The following MEI4 variants were observed in gnomAD, a reference collection of about 807,000 sequenced individuals.
The protein encoded by MEI4 is meiotic double-stranded break formation protein 4.
Under a neutral mutation model 31.4 loss-of-function variants are expected in MEI4, and 27 were observed. That is an observed-to-expected ratio of 0.86 (90% CI 0.63 to 1.19). MEI4 has a LOEUF of 1.19. Ranked by LOEUF, MEI4 falls within the 50% of genes most tolerant of loss-of-function variation. The pLI, the probability that MEI4 is intolerant of heterozygous loss-of-function variation, is 0.00. For synonymous variants in MEI4, 122 were observed against 145.4 expected (o/e 0.84, Z 1.16); for missense variants, 329 against 398.9 (o/e 0.82, Z 1.49).
At chr6:77,675,529 T>C (rs1379667240) in intron 1 of MEI4, among the ~76,000 whole-genome samples, 1 of 143,796 alleles carries the variant, frequency 7.0e-6, no homozygotes, top group Non-Finnish European at 1.5e-5. Flanking sequence ...ACAGGAAATA[T>C]TGCTTTTTTT....
intron 2 of MEI4, among the ~76,000 whole-genome samples, chr6:77,701,082 G>A (rs561355514): frequency 1.3e-5 from 2 of 152,272 alleles, no homozygotes; most frequent in East Asian, 1.9e-4. Context: ...GAGAACATAC[G>A]AGTGAAAAGC....
chr6:77,774,091 G>A (rs1440775174), intron 3 of MEI4, among the ~76,000 whole-genome samples: 1 of 152,080 alleles, frequency 6.6e-6, no homozygotes, highest in Admixed American at 6.6e-5. Context: ...CAACCACTAT[G>A]GAGAACAGTT....
At position 77,761,593 on chromosome 6, in the gene MEI4, G is replaced by T. The variant is rs1768047208; in HGVS notation, c.696G>T (p.Lys232Asn). 1 of 1,231,780 alleles carries T rather than the reference G, an allele frequency of 8.1e-7. No individual in the cohort carries two copies. Among genetic ancestry groups the T allele is most frequent in the South Asian group, 4.1e-5 (1 of 24,322 alleles). 76.3% of individuals were successfully genotyped at this position (1,231,780 alleles called of 1,614,324 possible). The change falls in exon 3 of 5, where the codon AAG becomes AAT. Residue 232 changes from lysine (K) to asparagine (N), a missense_variant. By Grantham distance (94) the Lys-to-Asn change is moderately conservative (BLOSUM62 0). Transcript: ENST00000684080. Reference protein sequence around the residue: ...DYNLSSHILKKCSKKLEEFEK... With the variant: ...DYNLSSHILKNCSKKLEEFEK... Reference sequence around the variant, plus strand: ...ACTTATCTAGTCATATTCTTAAAAAGTGTTCCAAGAAGTTGGAAGAATTTG... The same window carrying T: ...ACTTATCTAGTCATATTCTTAAAAATTGTTCCAAGAAGTTGGAAGAATTTG...
intron 2 of MEI4, among the ~76,000 whole-genome samples, chr6:77,751,665 A>T (rs138164965): frequency 0.029 from 4,488 of 152,276 alleles, 235 homozygotes; most frequent in African/African-American, 0.1. Flanking sequence ...AGATGGATTA[A>T]CAGCCAAATT....
chr6:77,831,240 A>T (rs1278900763), intron 4 of MEI4, among the ~76,000 whole-genome samples: 1 of 151,930 alleles, frequency 6.6e-6, no homozygotes, highest in Non-Finnish European at 1.5e-5. Flanking sequence ...AATTAAAAAG[A>T]CAAATAGTAA....
At position 77,734,777 on chromosome 6, in the gene MEI4, T is replaced by C. The variant is rs530717216; in HGVS notation, c.233-26353T>C. Among the ~76,000 whole-genome samples, 24 of 152,190 alleles carry C rather than the reference T, an allele frequency of 1.6e-4. No individual in the cohort carries two copies. In the South Asian group the frequency reaches 4.8e-3, roughly 30 times the overall value. The stretch of plus-strand genomic sequence containing the variant: ...TGATTTTGCAGTGGCTGTTACTGGT[T>C]GTTCCTTTCCGTGTTTAGCGCTTCC... On this transcript the variant is annotated intron_variant, in intron 2 of 4. Coordinates refer to ENST00000684080, the MANE Select transcript of MEI4 (RefSeq NM_001322247.2).
intron 4 of MEI4, among the ~76,000 whole-genome samples, chr6:77,899,122 T>C (rs1766139995): frequency 6.6e-6 from 1 of 151,996 alleles, no homozygotes; most frequent in Non-Finnish European, 1.5e-5. Context: ...AACAGGAACG[T>C]TGATAAAGGG....
chr6:77,665,778 G>A (rs1768619505), intron 1 of MEI4, among the ~76,000 whole-genome samples: 1 of 152,184 alleles, frequency 6.6e-6, no homozygotes, highest in Non-Finnish European at 1.5e-5. Context: ...GGGAGAGATT[G>A]AAGAGTGGAA....
chr6:77,758,426 C>CT (rs2127681168), intron 2 of MEI4, among the ~76,000 whole-genome samples: 1 of 152,194 alleles, frequency 6.6e-6, no homozygotes, highest in South Asian at 2.1e-4. Flanking sequence ...CATCAGCTTC[C>CT]TTTTTTTCTG....
At chr6:77,758,556 A>C (rs187288969) in intron 2 of MEI4, among the ~76,000 whole-genome samples, 44 of 152,288 alleles carry the variant, frequency 2.9e-4, no homozygotes, top group African/African-American at 9.6e-4. Flanking sequence ...AACTTTAAGA[A>C]AATATTACTG....
At chr6:77,798,333 C>T (rs1205980004) in intron 3 of MEI4, among the ~76,000 whole-genome samples, 1 of 150,998 alleles carries the variant, frequency 6.6e-6, no homozygotes, top group Non-Finnish European at 1.5e-5. Context: ...AAATACTTAT[C>T]AAATATTTGT....
rs192849200 is a variant in MEI4 at position 77,763,870 on chromosome 6, G to A, written c.768+2205G>A. ...CACTCTGTCACCAGGTTGGAGTGCC[G>A]TGGCACAATCTTGGCTCACTGCAAC... On this transcript the variant is annotated intron_variant, in intron 3 of 4. Transcript: ENST00000684080. Among the ~76,000 whole-genome samples the A allele has an allele frequency of 1.1e-4, 16 of 151,850 alleles. 1 individual carries two copies. In the East Asian group the frequency reaches 2.9e-3, roughly 28 times the overall value.
intron 2 of MEI4, among the ~76,000 whole-genome samples, chr6:77,756,414 A>G (rs1307061703): frequency 6.6e-6 from 1 of 152,150 alleles, no homozygotes. Context: ...ATTGGTTTCC[A>G]GTGTAAATGC....
At chr6:77,773,267 G>A (rs557869428) in intron 3 of MEI4, among the ~76,000 whole-genome samples, 11 of 151,844 alleles carry the variant, frequency 7.2e-5, no homozygotes, top group Non-Finnish European at 1.6e-4. Flanking sequence ...AAAGATGGAG[G>A]AATCACATTA....
Position 77,747,118 on chromosome 6 carries a change from CCTGA to C in MEI4, c.233-14009_233-14006del, listed in dbSNP as rs375627537. Among the ~76,000 whole-genome samples the C allele has an allele frequency of 6.0e-3, 915 of 152,174 alleles. 7 individuals carry two copies. The highest frequency in any genetic ancestry group is 0.02 in the African/African-American group (828 of 41,532). On this transcript the variant is annotated intron_variant, in intron 2 of 4. Coordinates refer to ENST00000684080, the MANE Select transcript of MEI4 (RefSeq NM_001322247.2). ...CCTGATATCAGGAGTTCAAGACCAG[CCTGA>C]CTAACATGGTGAAACCTCATCTCTA...
chr6:77,822,045 T>G (rs887804606), intron 3 of MEI4, among the ~76,000 whole-genome samples: 1 of 152,166 alleles, frequency 6.6e-6, no homozygotes. Flanking sequence ...TGAAAGTTTA[T>G]TGTCTGATTT....
chr6:77,864,587 C>T (rs1158949841), intron 4 of MEI4, among the ~76,000 whole-genome samples: 2 of 152,254 alleles, frequency 1.3e-5, no homozygotes, highest in East Asian at 3.9e-4. Flanking sequence ...AAAGCAAGTC[C>T]TTAGAGACCT....
intron 4 of MEI4, among the ~76,000 whole-genome samples, chr6:77,877,536 CATACGT>C (rs1771371530): frequency 6.6e-6 from 1 of 152,024 alleles, no homozygotes; most frequent in East Asian, 1.9e-4. Context: ...TTTTGACTCA[CATACGT>C]ATCTATGTAG....
chr6:77,696,732 TG>T (rs1190924579), intron 2 of MEI4, among the ~76,000 whole-genome samples: 2 of 151,896 alleles, frequency 1.3e-5, no homozygotes, highest in African/African-American at 4.8e-5. Context: ...TTCTCTTTTT[TG>T]GTTGTGTCTC....
Sources: allele counts gnomAD v4.1 joint callset (sites outside exome capture counted in the v4.1 genomes callset), GRCh38; gene constraint gnomAD v4.1.1; transcripts MANE v1.5; gene names NCBI Gene and HGNC (gene_info 2026-07-23, HGNC 2026-07-21).